C11orf65: variants seen among roughly 807,000 people sequenced by gnomAD.
C11orf65 encodes protein MFI.
Under a neutral mutation model 35.3 loss-of-function variants are expected in C11orf65, and 38 were observed. The ratio of observed to expected loss-of-function variants is 1.08; its 90% CI spans 0.83 to 1.41. The LOEUF (loss-of-function observed/expected upper bound fraction) is 1.41, where lower values mean the gene tolerates loss of function less well. Ranked by LOEUF, C11orf65 falls within the 40% of genes most tolerant of loss-of-function variation. C11orf65 has a pLI of 0.00. For missense variants in C11orf65, 370 were observed against 367.1 expected (o/e 1.01, Z -0.06); for synonymous variants, 105 against 114.4 (o/e 0.92, Z 0.53).
chr11:108,424,168 G>C (rs2092864488), intron 3 of C11orf65, among the ~76,000 whole-genome samples: 1 of 152,182 alleles, frequency 6.6e-6, no homozygotes, highest in Admixed American at 6.5e-5. Context: ...AAAGAGGTTA[G>C]AGGAATTGCT....
intron 2 of C11orf65, among the ~76,000 whole-genome samples, chr11:108,437,117 G>T (rs914540306): frequency 1.3e-5 from 2 of 148,956 alleles, no homozygotes; most frequent in South Asian, 4.3e-4. Flanking sequence ...AAAAGGGGGG[G>T]GGTGGACAAA....
chr11:108,407,999 TA>T (rs1268321953), intron 3 of C11orf65, among the ~76,000 whole-genome samples: 35 of 42,600 alleles, frequency 8.2e-4, no homozygotes, highest in African/African-American at 3.5e-3. Context: ...AATTTCTTTT[TA>T]TTATTATTAT....
chr11:108,360,927 G>A (rs1291274621), intron 2 of C11orf65, among the ~76,000 whole-genome samples: 1 of 112,206 alleles, frequency 8.9e-6, no homozygotes, highest in Non-Finnish European at 1.8e-5. Context: ...ATTCAACATA[G>A]TGTTGGAAGT....
At chr11:108,347,388 C>T (rs766736913) in intron 2 of C11orf65, 9 of 1,523,388 alleles carry the variant, frequency 5.9e-6, no homozygotes, top group Non-Finnish European at 8.2e-6. Context: ...ATCTATGTAT[C>T]TATTCTTTTT....
intron 7 of C11orf65, among the ~76,000 whole-genome samples, 197 bp from the exon 8 acceptor site, chr11:108,386,172 G>A (rs2091996269): frequency 6.6e-6 from 1 of 152,162 alleles, no homozygotes; most frequent in Non-Finnish European, 1.5e-5. Context: ...GGAGTTGAAG[G>A]AGGTATAAAA....
At chr11:108,408,153 T>C (rs1035239639) in intron 3 of C11orf65, among the ~76,000 whole-genome samples, 2 of 151,732 alleles carry the variant, frequency 1.3e-5, no homozygotes, top group Non-Finnish European at 2.9e-5. Context: ...TGGACATCTA[T>C]GGTAAATGAA....
At chr11:108,411,403 A>C (rs1159325450) in intron 3 of C11orf65, among the ~76,000 whole-genome samples, 1 of 152,208 alleles carries the variant, frequency 6.6e-6, no homozygotes, top group Non-Finnish European at 1.5e-5. Flanking sequence ...TATTACGGGA[A>C]ACATTTTCTG....
At chr11:108,435,472 G>A (rs138071642) in intron 2 of C11orf65, among the ~76,000 whole-genome samples, 168 of 152,272 alleles carry the variant, frequency 1.1e-3, no homozygotes, top group Non-Finnish European at 2.0e-3. Context: ...ACCATATTCT[G>A]TAAGAAAAGT....
chr11:108,458,207 G>C (rs1377899741), intron 2 of C11orf65, among the ~76,000 whole-genome samples: 2 of 149,186 alleles, frequency 1.3e-5, no homozygotes, highest in African/African-American at 4.9e-5. Flanking sequence ...GACATTATTG[G>C]TTTTCCCTAA....
intron 7 of C11orf65, among the ~76,000 whole-genome samples, chr11:108,386,812 T>C (rs534174564): frequency 6.6e-6 from 1 of 152,174 alleles, no homozygotes. Flanking sequence ...CTGGGCGCAG[T>C]GGCTCACACC....
At chr11:108,341,929 G>T (rs1478805758) in intron 2 of C11orf65, among the ~76,000 whole-genome samples, 1 of 152,192 alleles carries the variant, frequency 6.6e-6, no homozygotes, top group African/African-American at 2.4e-5. Context: ...GTTAACCGAG[G>T]TGAAGATGTA....
At chr11:108,461,980 A>C (rs2093478842) in intron 1 of C11orf65, among the ~76,000 whole-genome samples, 1 of 152,208 alleles carries the variant, frequency 6.6e-6, no homozygotes, top group East Asian at 1.9e-4. Flanking sequence ...AAAATTAAAT[A>C]GAGTTGTATA....
rs751792004 is a variant in C11orf65 at position 108,310,162 on chromosome 11, C to A, written c.641-1091G>T. On this transcript the variant is annotated intron_variant, in intron 6 of 6. Transcript: ENST00000525729. ...CATTATATCTCATTTTTCTTTAGAC[C>A]TTCTTCAGGAACAATTTTTAATGAT... 6.2e-7 allele frequency: 1 copy of A among 1,612,628 alleles called. No homozygotes were observed. The highest frequency in any genetic ancestry group is 8.5e-7 in the Non-Finnish European group (1 of 1,179,326).
chr11:108,402,437 T>C (rs368289914), intron 6 of C11orf65, among the ~76,000 whole-genome samples: 1 of 152,198 alleles, frequency 6.6e-6, no homozygotes, highest in Non-Finnish European at 1.5e-5. Context: ...ACTGTAGGCA[T>C]TGTAACCCTG....
At chr11:108,319,849 G>T in intron 6 of C11orf65, 4 of 770,920 alleles carry the variant, frequency 5.2e-6, no homozygotes, top group Non-Finnish European at 8.7e-6. Context: ...TTTTAGAATG[G>T]AGAAATGTTA....
chr11:108,326,747 C>T (rs1013475691), downstream of C11orf65, among the ~76,000 whole-genome samples: 1 of 152,204 alleles, frequency 6.6e-6, no homozygotes, highest in East Asian at 1.9e-4. Context: ...GCATTGGTGT[C>T]CCCAAGGTTT....
chr11:108,402,641 T>C (rs1233624524), intron 6 of C11orf65, among the ~76,000 whole-genome samples: 1 of 149,056 alleles, frequency 6.7e-6, no homozygotes, highest in African/African-American at 2.4e-5. Context: ...ATGTACAGTT[T>C]TGACATGTCT....
chr11:108,388,344 A>C (rs1014298021), intron 7 of C11orf65, among the ~76,000 whole-genome samples: 1 of 152,230 alleles, frequency 6.6e-6, no homozygotes, highest in Admixed American at 6.5e-5. Context: ...ACAGACATAG[A>C]AGCAAGTCTG....
intron 3 of C11orf65, among the ~76,000 whole-genome samples, chr11:108,431,514 C>T (rs1192226567): frequency 6.6e-6 from 1 of 152,012 alleles, no homozygotes; most frequent in African/African-American, 2.4e-5. Context: ...GCAGGGTACC[C>T]AAAGGGAGTG....
Sources: gnomAD v4.1 joint callset for allele counts (sites outside exome capture counted in the v4.1 genomes callset) on GRCh38, gnomAD v4.1.1 for gene constraint, MANE v1.5 for transcripts, NCBI Gene and HGNC (gene_info 2026-07-23, HGNC 2026-07-21) for gene names.